The following PDZD2 variants were observed in gnomAD, a reference collection of about 807,000 sequenced individuals.
PDZD2 encodes PDZ domain containing 2.
Under a neutral mutation model 220.7 loss-of-function variants are expected in PDZD2, and 90 were observed. The ratio of observed to expected loss-of-function variants is 0.41; its 90% CI spans 0.34 to 0.49. PDZD2 has a LOEUF of 0.49. Among genes scored for constraint, PDZD2 ranks in the 20% least tolerant of loss-of-function variants. PDZD2 has a pLI of 0.28. For missense variants in PDZD2, 3,174 were observed against 3,608.5 expected, an observed-to-expected ratio of 0.88 and a Z score of 3.08; for synonymous variants, 1,375 against 1,450.5, an observed-to-expected ratio of 0.95 and a Z score of 1.18.
chr5:31,921,508 AC>A (rs1744252190), intron 2 of PDZD2, among the ~76,000 whole-genome samples: 1 of 151,468 alleles, frequency 6.6e-6, no homozygotes, highest in Non-Finnish European at 1.5e-5. Flanking sequence ...GCATAGTGAA[AC>A]CCTGTCTCTT....
chr5:31,840,417 TATATATATATATATATATATATATA>T (rs1757208183), intron 2 of PDZD2: 1 of 99,740 alleles, frequency 1.0e-5, no homozygotes. Context: ...TATATATATA[TATATATATATATATATATATATATA>T]TATATATTTG....
At position 32,029,329 on chromosome 5, in the gene PDZD2, T is replaced by TAAAAAAA. The variant is rs34025632; in HGVS notation, c.1408-7884_1408-7878dup. Among the ~76,000 whole-genome samples, 44 of 65,820 alleles carry TAAAAAAA rather than the reference T, an allele frequency of 6.7e-4. 1 individual carries two copies. The highest frequency in any genetic ancestry group is 8.5e-4 in the Non-Finnish European group (32 of 37,536). The allele number at this position is 65,820 out of a possible 152,430, so 43.2% of individuals were successfully genotyped here. ...TTGCCAAAGGTAGTATCAAGAACTG[T>TAAAAAAA]AAAAAAAAAAAAAAAAAAAAAAAAG... On this transcript the variant is annotated intron_variant, in intron 6 of 24. Transcript: ENST00000438447.
At chr5:31,845,302 T>C (rs983557507) in intron 2 of PDZD2, among the ~76,000 whole-genome samples, 5 of 152,212 alleles carry the variant, frequency 3.3e-5, no homozygotes, top group Non-Finnish European at 7.3e-5. Context: ...GTCAAATGAC[T>C]TACCCAGAAT....
chr5:32,037,370 C>A, intron 7 of PDZD2, 28 bp downstream of exon 7: 1 of 1,279,156 alleles, frequency 7.8e-7, no homozygotes, highest in Non-Finnish European at 1.1e-6. Context: ...CTGATGCAGC[C>A]TGTCTAGGAT....
At chr5:31,662,721 C>T (rs1486216174) in intron 1 of PDZD2, among the ~76,000 whole-genome samples, 1 of 152,176 alleles carries the variant, frequency 6.6e-6, no homozygotes, top group Non-Finnish European at 1.5e-5. Flanking sequence ...GCTCCGCCTC[C>T]CAGGTTCACG....
intron 2 of PDZD2, chr5:31,935,957 TG>T: frequency 3.6e-6 from 1 of 278,522 alleles, no homozygotes; most frequent in Non-Finnish European, 5.5e-6. Flanking sequence ...CCCATACTCC[TG>T]GAAAATTAGA....
intron 1 of PDZD2, among the ~76,000 whole-genome samples, chr5:31,704,926 C>T (rs1561394234): frequency 1.3e-5 from 2 of 152,060 alleles, no homozygotes; most frequent in African/African-American, 2.4e-5. Context: ...TTTGGAAGGC[C>T]GAGGTGGGCG....
rs1197438542 is a variant in PDZD2 at position 32,109,040 on chromosome 5, AGT to A, written c.*906_*907del. ...TCCAAGAGCAGACAAAAATATCACAAGTCAGTCAGTCACTGGGTTTCCATTTC... is the reference window on the plus strand; with the variant it reads ...TCCAAGAGCAGACAAAAATATCACAACAGTCAGTCACTGGGTTTCCATTTC... On this transcript the variant is annotated 3_prime_UTR_variant, in exon 25 of 25. Coordinates refer to ENST00000438447, the MANE Select transcript of PDZD2 (RefSeq NM_178140.4). 1.4e-4 allele frequency: 4 copies of A among 29,052 alleles called. No individual in the cohort carries two copies. The highest frequency in any genetic ancestry group is 1.0e-3 in the South Asian group (1 of 992). The allele number at this position is 29,052 out of a possible 1,614,324, so 1.8% of individuals were successfully genotyped here.
intron 1 of PDZD2, among the ~76,000 whole-genome samples, chr5:31,753,291 A>G (rs912449603): frequency 1.8e-4 from 28 of 152,342 alleles, no homozygotes; most frequent in African/African-American, 6.7e-4. Flanking sequence ...CAGGTTTTCT[A>G]TGCCAGGAGG....
At chr5:31,981,518 C>A (rs1750298392) in intron 2 of PDZD2, among the ~76,000 whole-genome samples, 3 of 152,152 alleles carry the variant, frequency 2.0e-5, no homozygotes, top group Non-Finnish European at 4.4e-5. Flanking sequence ...GTAATGACTG[C>A]CCCAGCTCTC....
chr5:32,073,089 G>A (rs561468093), intron 17 of PDZD2, among the ~76,000 whole-genome samples: 2 of 151,700 alleles, frequency 1.3e-5, no homozygotes, highest in South Asian at 2.1e-4. Context: ...GATCCATACC[G>A]ATTTCTCAGA....
At chr5:31,808,986 A>T (rs549240509) in intron 2 of PDZD2, among the ~76,000 whole-genome samples, 30 of 149,906 alleles carry the variant, frequency 2.0e-4, no homozygotes, top group South Asian at 1.7e-3. Flanking sequence ...CTCAAAAAAA[A>T]AAAAATAATA....
intron 5 of PDZD2, among the ~76,000 whole-genome samples, chr5:32,008,136 A>AAAATAAATAAATAAAT (rs141877198): frequency 3.3e-4 from 47 of 143,962 alleles, no homozygotes; most frequent in Middle Eastern, 3.6e-3. Flanking sequence ...TAAAATAATA[A>AAAATAAATAAATAAAT]AAATAAATAA....
chr5:31,880,799 T>TCC (rs1739811977), intron 2 of PDZD2, among the ~76,000 whole-genome samples: 2 of 43,852 alleles, frequency 4.6e-5, no homozygotes, highest in African/African-American at 1.8e-4. Context: ...TTCTTTTTTT[T>TCC]TTTTTTTTTT....
rs1745098128 is a variant in PDZD2 at position 32,109,024 on chromosome 5, A to G, written c.*889A>G. On this transcript the variant is annotated 3_prime_UTR_variant, in exon 25 of 25. Coordinates refer to ENST00000438447, the MANE Select transcript of PDZD2 (RefSeq NM_178140.4). ...ATTCAAGACTGGTCAGTCCAAGAGCAGACAAAAATATCACAAGTCAGTCAG... is the reference window on the plus strand; with the variant it reads ...ATTCAAGACTGGTCAGTCCAAGAGCGGACAAAAATATCACAAGTCAGTCAG... 1 of 128,006 alleles carries G rather than the reference A, an allele frequency of 7.8e-6. No individual in the cohort carries two copies. The highest frequency in any genetic ancestry group is 2.6e-4 in the South Asian group (1 of 3,872). 7.9% of individuals were successfully genotyped at this position (128,006 alleles called of 1,614,324 possible). A position where few individuals can be genotyped will look rare whatever the true frequency, so the allele number is the denominator to read the frequency against.
intron 2 of PDZD2, among the ~76,000 whole-genome samples, chr5:31,901,490 T>C (rs1021018414): frequency 4.6e-5 from 7 of 152,122 alleles, no homozygotes; most frequent in African/African-American, 9.6e-5. Context: ...CTGTTTCAAA[T>C]TGGAGAAATG....
At chr5:31,937,150 A>G (rs895679478) in intron 2 of PDZD2, among the ~76,000 whole-genome samples, 2 of 152,218 alleles carry the variant, frequency 1.3e-5, no homozygotes, top group African/African-American at 4.8e-5. Flanking sequence ...TTGTGATAAG[A>G]GAAGTAGAAC....
At chr5:31,986,493 C>T (rs115380002) in intron 3 of PDZD2, among the ~76,000 whole-genome samples, 2,568 of 152,188 alleles carry the variant, frequency 0.017, 75 homozygotes, top group African/African-American at 0.058. Context: ...CAGCTTTCCC[C>T]CACATTCTGA....
At chr5:32,028,360 C>T (rs78721451) in intron 6 of PDZD2, among the ~76,000 whole-genome samples, 1,997 of 152,166 alleles carry the variant, frequency 0.013, 53 homozygotes, top group African/African-American at 0.046. Context: ...ATGGTTTGCC[C>T]CCCACCCCTA....
Sources: allele counts gnomAD v4.1 joint callset (sites outside exome capture counted in the v4.1 genomes callset), GRCh38; gene constraint gnomAD v4.1.1; transcripts MANE v1.5; gene names NCBI Gene and HGNC (gene_info 2026-07-23, HGNC 2026-07-21).